The following EBF2 variants were observed in gnomAD, a reference collection of about 807,000 sequenced individuals.
EBF2 encodes the protein EBF transcription factor 2, also known as transcription factor COE2.
A neutral mutation model predicts 72.8 loss-of-function variants in EBF2; 21 were observed. The observed-to-expected ratio is 0.29, with a 90% CI of 0.20 to 0.42. The LOEUF is 0.42. EBF2 is among the 10% of genes least tolerant of loss of function. The pLI is 1.00. For synonymous variants in EBF2, 299 were observed against 274.2 expected, an observed-to-expected ratio of 1.09 and a Z score of -0.89; for missense variants, 637 against 731.2, an observed-to-expected ratio of 0.87 and a Z score of 1.49.
intron 6 of EBF2, among the ~76,000 whole-genome samples, chr8:26,011,811 TA>T (rs71551843): frequency 1.4e-5 from 2 of 143,236 alleles, no homozygotes; most frequent in Non-Finnish European, 1.5e-5. Flanking sequence ...AACTTTTTTT[TA>T]AAAAAAAAAA....
intron 6 of EBF2, among the ~76,000 whole-genome samples, chr8:25,939,185 T>C (rs906800381): frequency 6.6e-6 from 1 of 152,230 alleles, no homozygotes; most frequent in Non-Finnish European, 1.5e-5. Flanking sequence ...CATTCTGTGA[T>C]CTTCTTTTCT....
chr8:26,036,190 G>A (rs1443178034), intron 5 of EBF2, among the ~76,000 whole-genome samples: 3 of 152,194 alleles, frequency 2.0e-5, no homozygotes, highest in African/African-American at 7.2e-5. Flanking sequence ...TTTCAAAATT[G>A]TTCAGCTGAA....
chr8:25,902,192 TC>T (rs1802965263), intron 7 of EBF2, among the ~76,000 whole-genome samples: 1 of 152,174 alleles, frequency 6.6e-6, no homozygotes. Context: ...GACTTCCTCT[TC>T]CTAGCTTGAT....
intron 2 of EBF2, chr8:26,041,472 G>T: frequency 5.5e-6 from 1 of 181,994 alleles, no homozygotes. Flanking sequence ...AGGTTCAGGA[G>T]GGACTTTGGG....
chr8:26,010,202 C>A (rs1184669490), intron 6 of EBF2, among the ~76,000 whole-genome samples: 1 of 152,046 alleles, frequency 6.6e-6, no homozygotes, highest in Non-Finnish European at 1.5e-5. Context: ...GGCATTTTTT[C>A]CCCCTTCTCA....
intron 6 of EBF2, among the ~76,000 whole-genome samples, chr8:26,013,475 A>G (rs1330768554): frequency 6.6e-6 from 1 of 152,206 alleles, no homozygotes; most frequent in Non-Finnish European, 1.5e-5. Context: ...CACTTCTGCT[A>G]TATCAGGCGG....
intron 6 of EBF2, among the ~76,000 whole-genome samples, chr8:25,927,394 T>A (rs1287555482): frequency 6.7e-6 from 1 of 150,088 alleles, no homozygotes; most frequent in African/African-American, 2.4e-5. Flanking sequence ...TATATACACA[T>A]CATGTATATT....
chr8:25,915,628 G>T (rs1314185787), intron 6 of EBF2, among the ~76,000 whole-genome samples: 3 of 143,250 alleles, frequency 2.1e-5, no homozygotes, highest in African/African-American at 5.1e-5. Context: ...AAAAAAAAAG[G>T]TTACTCAAGT....
At chr8:25,864,189 C>A (rs186128557) in intron 10 of EBF2, among the ~76,000 whole-genome samples, 11 of 152,100 alleles carry the variant, frequency 7.2e-5, no homozygotes, top group Non-Finnish European at 1.2e-4. Context: ...TTCAGACATA[C>A]GGTCAAATCA....
Position 25,844,601 on chromosome 8 carries a change from G to A in EBF2, c.*8C>T. On this transcript the variant is annotated 3_prime_UTR_variant, in exon 16 of 16. Transcript: ENST00000520164. ...AGTAGTTTTGTGCTATAAGAAAGCA[G>A]TTCTTCTTTACATCGGGGGTACAAC... is the stretch of plus-strand genomic sequence containing the variant. The A allele has an allele frequency of 6.2e-7, 1 of 1,613,962 alleles. No homozygotes were observed. The highest frequency in any genetic ancestry group is 8.5e-7 in the Non-Finnish European group (1 of 1,179,878).
intron 6 of EBF2, among the ~76,000 whole-genome samples, chr8:25,971,065 G>A (rs1205030160): frequency 1.3e-5 from 2 of 152,108 alleles, no homozygotes; most frequent in Non-Finnish European, 2.9e-5. Context: ...GAACTCCTGG[G>A]CTCAAGAGAT....
Position 26,044,383 on chromosome 8 carries a change from G to T in EBF2, c.131+346C>A, listed in dbSNP as rs1805664599. Among the ~76,000 whole-genome samples the T allele has an allele frequency of 6.6e-6, 1 of 152,280 alleles. No homozygotes were observed. Among genetic ancestry groups the T allele is most frequent in the South Asian group, 2.1e-4 (1 of 4,838 alleles). ...CGCCACTGCCAGCGCCGGTGTTCAC[G>T]CTCCGTTCGGGGCCAGGCCGGCTCG... On this transcript the variant is annotated intron_variant, in intron 1 of 15. Coordinates refer to ENST00000520164, the MANE Select transcript of EBF2 (RefSeq NM_022659.4). This position sits in a 1 kb window ranked among gnomAD's most constrained non-coding sequence, Gnocchi z 4.1.
intron 11 of EBF2, 122 bp downstream of exon 11, chr8:25,862,587 C>T (rs1232205454): frequency 1.7e-6 from 1 of 580,566 alleles, no homozygotes; most frequent in Non-Finnish European, 2.9e-6. Flanking sequence ...CATCTCGTAT[C>T]TAAAGCTTAG....
chr8:25,910,568 T>C (rs1458660401), intron 6 of EBF2, among the ~76,000 whole-genome samples: 1 of 152,178 alleles, frequency 6.6e-6, no homozygotes, highest in Non-Finnish European at 1.5e-5. Context: ...ATTATATGAA[T>C]GGTGTGGTAG....
intron 6 of EBF2, among the ~76,000 whole-genome samples, chr8:25,940,154 C>A (rs1301917528): frequency 1.3e-5 from 2 of 152,084 alleles, no homozygotes; most frequent in South Asian, 2.1e-4. Flanking sequence ...TGGAAGAGAC[C>A]TTAAGGAAAA....
intron 6 of EBF2, among the ~76,000 whole-genome samples, chr8:26,009,042 G>C (rs1321308651): frequency 7.2e-6 from 1 of 139,064 alleles, no homozygotes; most frequent in African/African-American, 2.6e-5. Context: ...GAAGTCCCAG[G>C]AGCTTTTGTG....
chr8:26,013,609 CA>C (rs2117236799), intron 6 of EBF2, among the ~76,000 whole-genome samples: 1 of 152,086 alleles, frequency 6.6e-6, no homozygotes, highest in Admixed American at 6.5e-5. Flanking sequence ...CCCCAAATAG[CA>C]AATTGAGGTG....
intron 6 of EBF2, among the ~76,000 whole-genome samples, chr8:25,941,910 G>A (rs897058519): frequency 6.6e-6 from 1 of 152,176 alleles, no homozygotes; most frequent in Non-Finnish European, 1.5e-5. Context: ...CAGGGTTCTC[G>A]TCCATTTTAG....
intron 10 of EBF2, among the ~76,000 whole-genome samples, chr8:25,880,468 C>T (rs1802588553): frequency 6.6e-6 from 1 of 152,170 alleles, no homozygotes; most frequent in Non-Finnish European, 1.5e-5. Flanking sequence ...GTTGGCCCAA[C>T]ACATTTGTTA....
Sources: allele counts gnomAD v4.1 joint callset (sites outside exome capture counted in the v4.1 genomes callset), GRCh38; gene constraint gnomAD v4.1.1; non-coding constraint Gnocchi (gnomAD v3.1); transcripts MANE v1.5; gene names NCBI Gene and HGNC (gene_info 2026-07-23, HGNC 2026-07-21).